OR3A1: variants seen among roughly 807,000 people sequenced by gnomAD.
The protein encoded by OR3A1 is olfactory receptor family 3 subfamily A member 1.
For missense variants in OR3A1, 402 were observed against 393.8 expected (o/e 1.02, Z -0.18); for synonymous variants, 145 against 160.0 (o/e 0.91, Z 0.71).
chr17:3,297,654 C>T (rs1464931919), intron 1 of OR3A1, among the ~76,000 whole-genome samples: 1 of 149,080 alleles, frequency 6.7e-6, no homozygotes, highest in Admixed American at 6.6e-5. Flanking sequence ...TTGTGGCTTG[C>T]CAACAGATTT....
In OR3A1 at chr17:3,291,816, C is replaced by T; in HGVS notation, c.767G>A (p.Gly256Asp). ...TCGCATATAGTTAAAGATACCTGAACCATAGAATATGGCAACCACAGTGAG... is the reference window on the plus strand; with the variant it reads ...TCGCATATAGTTAAAGATACCTGAATCATAGAATATGGCAACCACAGTGAG... ...SHLTVVAIFY[G>D]SGIFNYMRLG... The change falls in exon 2 of 2, where the codon GGT (glycine) becomes GAT (aspartate). Residue 256 changes from glycine to aspartate, a missense_variant. By Grantham distance (94) the Gly-to-Asp change is moderately conservative. Coordinates refer to ENST00000323404, the MANE Select transcript of OR3A1 (RefSeq NM_002550.3). The T allele has an allele frequency of 6.2e-7, 1 of 1,613,830 alleles. No individual in the cohort carries two copies. Among genetic ancestry groups the T allele is most frequent in the Middle Eastern group, 1.6e-4 (1 of 6,062 alleles).
chr17:3,295,476 T>C (rs2048911810), intron 1 of OR3A1, among the ~76,000 whole-genome samples: 2 of 152,032 alleles, frequency 1.3e-5, no homozygotes, highest in Admixed American at 6.6e-5. Context: ...TCTTCTAAAA[T>C]ATAAGAGGAA....
Position 3,292,504 on chromosome 17 carries a change from G to A in OR3A1, c.79C>T (p.Gln27Ter). Residue 27 changes from glutamine (Q) to a stop codon, truncating the protein, a stop_gained, in exon 2 of 2, where the codon CAG becomes TAG. Coordinates refer to ENST00000323404, the MANE Select transcript of OR3A1 (RefSeq NM_002550.3). LOFTEE classifies it low-confidence loss of function (END_TRUNC). ...LLGLLEAPGL[Q>*]PVVFVLFLFA... Reference sequence around the variant, plus strand: ...AGGAAGAGCACAAAGACAACTGGCTGCAGCCCTGGCGCCTCCAGCAAGCCC... The same window carrying A: ...AGGAAGAGCACAAAGACAACTGGCTACAGCCCTGGCGCCTCCAGCAAGCCC... The A allele has an allele frequency of 6.2e-7, 1 of 1,613,750 alleles. No individual in the cohort carries two copies. The highest frequency in any genetic ancestry group is 2.2e-5 in the East Asian group (1 of 44,856).
At position 3,292,591 on chromosome 17, in the gene OR3A1, G is replaced by A. The variant is rs760433615; in HGVS notation, c.-6-3C>T. On this transcript the variant is annotated splice_polypyrimidine_tract_variant and splice_region_variant and intron_variant, in intron 1 of 1. Transcript: ENST00000323404. ...CCAGATTCTGGCTGCATGAGTTCCT[G>A]CAAAGAAACATCCAGGGAGGAAAAG... 1.9e-6 allele frequency: 3 copies of A among 1,585,980 alleles called. No homozygotes were observed. The highest frequency in any genetic ancestry group is 8.6e-7 in the Non-Finnish European group (1 of 1,163,328).
chr17:3,296,426 C>T (rs1248648229), intron 1 of OR3A1, among the ~76,000 whole-genome samples: 3 of 151,704 alleles, frequency 2.0e-5, no homozygotes, highest in Admixed American at 6.6e-5. Context: ...AGAAAAGGAA[C>T]CATAAGAAAA....
chr17:3,292,354 T>C lies in OR3A1; in HGVS notation c.229A>G (p.Ile77Val), dbSNP rs748670575. The change falls in exon 2 of 2, where the codon ATC (isoleucine) becomes GTC (valine). Residue 77 changes from isoleucine (I) to valine (V), a missense_variant. By Grantham distance (29) the Ile-to-Val change is conservative (BLOSUM62 3). Coordinates refer to ENST00000323404, the MANE Select transcript of OR3A1 (RefSeq NM_002550.3). ...AACATTGATGGAACAGTGACGCTGA[T>C]GCACCCAACATCCAGCACTGATAGG... is the stretch of plus-strand genomic sequence containing the variant. Reference protein sequence around the residue: ...GNLSVLDVGCISVTVPSMLSR... With the variant: ...GNLSVLDVGCVSVTVPSMLSR... 3 of 1,613,992 alleles carry C rather than the reference T, an allele frequency of 1.9e-6. No individual in the cohort carries two copies. The highest frequency in any genetic ancestry group is 2.5e-6 in the Non-Finnish European group (3 of 1,180,012).
In OR3A1 at chr17:3,292,483, A is replaced by C; in HGVS notation, c.100T>G (p.Phe34Val). The C allele has an allele frequency of 6.2e-7, 1 of 1,613,792 alleles. No individual in the cohort carries two copies. The change falls in exon 2 of 2, where the codon TTC becomes GTC. Residue 34 changes from phenylalanine to valine, a missense_variant. By Grantham distance (50) the Phe-to-Val change is conservative. Transcript: ENST00000323404. ...PGLQPVVFVLFLFAYLVTVRG... is the reference protein window; with the variant it reads ...PGLQPVVFVLVLFAYLVTVRG... ...ACCGTGACCAGGTAGGCAAAGAGGA[A>C]GAGCACAAAGACAACTGGCTGCAGC...
rs751248394 is a variant in OR3A1 at position 3,292,442 on chromosome 17, G to A, written c.141C>T (p.Ser47=). Reference sequence around the variant, plus strand: ...GCTCCACCAAGACAGCTGCCAGGATGCTGAGGTTGCCCCTGACCGTGACCA... The same window carrying A: ...GCTCCACCAAGACAGCTGCCAGGATACTGAGGTTGCCCCTGACCGTGACCA... ...AYLVTVRGNL[S]ILAAVLVEPK... is the part of the protein sequence containing the mutation. Residue 47 remains serine (S), a synonymous_variant, in exon 2 of 2, where the codon AGC becomes AGT. Transcript: ENST00000323404. 1.4e-5 allele frequency: 23 copies of A among 1,613,964 alleles called. No individual in the cohort carries two copies. Among genetic ancestry groups the A allele is most frequent in the Non-Finnish European group, 1.9e-5 (23 of 1,179,996 alleles).
chr17:3,296,078 T>A (rs1184103941), intron 1 of OR3A1, among the ~76,000 whole-genome samples: 2 of 152,070 alleles, frequency 1.3e-5, no homozygotes, highest in Admixed American at 1.3e-4. Context: ...AAAGTGCCCA[T>A]GAAACATTTA....
intron 1 of OR3A1, among the ~76,000 whole-genome samples, chr17:3,294,818 C>A (rs1056275441): frequency 6.6e-6 from 1 of 151,952 alleles, no homozygotes; most frequent in Non-Finnish European, 1.5e-5. Context: ...GAAATGTGAT[C>A]CAAAATTGTT....
chr17:3,294,337 C>A (rs905542814), intron 1 of OR3A1, among the ~76,000 whole-genome samples: 2 of 151,328 alleles, frequency 1.3e-5, no homozygotes, highest in African/African-American at 2.4e-5. Flanking sequence ...ACCAAAAAAA[C>A]CAATATTAGA....
chr17:3,293,771 C>A (rs1597323457), intron 1 of OR3A1, among the ~76,000 whole-genome samples: 1 of 152,272 alleles, frequency 6.6e-6, no homozygotes, highest in Non-Finnish European at 1.5e-5. Flanking sequence ...GAATACTATG[C>A]AGCCATGAAA....
chr17:3,292,588 C>A lies in OR3A1; in HGVS notation c.-6G>T. 2 of 1,590,886 alleles carry A rather than the reference C, an allele frequency of 1.3e-6. No homozygotes were observed. The highest frequency in any genetic ancestry group is 1.7e-6 in the Non-Finnish European group (2 of 1,166,860). ...GCCCCAGATTCTGGCTGCATGAGTTCCTGCAAAGAAACATCCAGGGAGGAA... is the reference window on the plus strand; with the variant it reads ...GCCCCAGATTCTGGCTGCATGAGTTACTGCAAAGAAACATCCAGGGAGGAA... On this transcript the variant is annotated splice_region_variant and 5_prime_UTR_variant, in exon 2 of 2. Coordinates refer to ENST00000323404, the MANE Select transcript of OR3A1 (RefSeq NM_002550.3).
At chr17:3,294,118 A>G (rs142703106) in intron 1 of OR3A1, among the ~76,000 whole-genome samples, 17 of 152,264 alleles carry the variant, frequency 1.1e-4, no homozygotes, top group Admixed American at 5.9e-4. Context: ...TTAAAAAAAT[A>G]AAATAATAAC....
In OR3A1 at chr17:3,291,657, G is replaced by A. The variant is rs2048868038; in HGVS notation, c.926C>T (p.Thr309Ile). 1 of 1,601,124 alleles carries A rather than the reference G, an allele frequency of 6.2e-7. No homozygotes were observed. Among genetic ancestry groups the A allele is most frequent in the Non-Finnish European group, 8.6e-7 (1 of 1,169,436 alleles). The change falls in exon 2 of 2, where the codon ACA becomes ATA. Residue 309 changes from threonine (T) to isoleucine (I), a missense_variant. By Grantham distance (89) the Thr-to-Ile change is moderately conservative (BLOSUM62 -1). Transcript: ENST00000323404. Reference protein sequence around the residue: ...DVQSAIWRMLTGRRSLA With the variant: ...DVQSAIWRMLIGRRSLA ...TCCTCAAGCCAGTGACCGCCTCCCT[G>A]TGAGCATCCTCCAGATGGCACTCTG... is the stretch of plus-strand genomic sequence containing the variant.
chr17:3,292,480 G>A lies in OR3A1; in HGVS notation c.103C>T (p.Leu35Phe). 1.2e-6 allele frequency: 2 copies of A among 1,613,796 alleles called. No individual in the cohort carries two copies. Among genetic ancestry groups the A allele is most frequent in the South Asian group, 2.2e-5 (2 of 91,050 alleles). Residue 35 changes from leucine to phenylalanine, a missense_variant, in exon 2 of 2, where the codon CTC (leucine) becomes TTC (phenylalanine). Leu to Phe is a conservative substitution (Grantham distance 22). Transcript: ENST00000323404. ...CTGACCGTGACCAGGTAGGCAAAGA[G>A]GAAGAGCACAAAGACAACTGGCTGC... is the stretch of plus-strand genomic sequence containing the variant. ...GLQPVVFVLF[L>F]FAYLVTVRGN...
At chr17:3,293,122 C>T (rs536016863) in intron 1 of OR3A1, among the ~76,000 whole-genome samples, 1 of 147,910 alleles carries the variant, frequency 6.8e-6, no homozygotes, top group East Asian at 2.1e-4. Flanking sequence ...AAATCCATGA[C>T]TGTATAAGAG....
intron 1 of OR3A1, among the ~76,000 whole-genome samples, chr17:3,294,002 T>C (rs12602609): frequency 0.098 from 14,945 of 152,132 alleles, 1,302 homozygotes; most frequent in East Asian, 0.5. Context: ...AGCTAATGCA[T>C]GCTGGGCTTA....
chr17:3,292,719 G>A, intron 1 of OR3A1, 131 bp from the exon 2 acceptor site: 1 of 701,164 alleles, frequency 1.4e-6, no homozygotes, highest in Non-Finnish European at 2.3e-6. Flanking sequence ...AAGGAATTTT[G>A]CGCTCCTTAG....
Sources: allele counts gnomAD v4.1 joint callset (sites outside exome capture counted in the v4.1 genomes callset), GRCh38; gene constraint gnomAD v4.1.1; transcripts MANE v1.5; gene names NCBI Gene and HGNC (gene_info 2026-07-23, HGNC 2026-07-21).